TTC39C: variants seen among roughly 807,000 people sequenced by gnomAD.
TTC39C encodes tetratricopeptide repeat protein 39C.
In TTC39C, 33 loss-of-function variants were observed where a neutral mutation model predicts 76.3. That is an observed-to-expected ratio of 0.43 (90% CI 0.33 to 0.58). The LOEUF (loss-of-function observed/expected upper bound fraction) is 0.58. TTC39C is among the 20% of genes least tolerant of loss of function. The probability of loss-of-function intolerance (pLI) is 0.04; values close to 1 mark genes in which losing one functional copy is unlikely to be tolerated. For missense variants in TTC39C, 595 were observed against 701.4 expected, an observed-to-expected ratio of 0.85 and a Z score of 1.71; for synonymous variants, 254 against 260.6, an observed-to-expected ratio of 0.97 and a Z score of 0.24.
chr18:24,044,889 A>G (rs933228030), intron 1 of TTC39C, among the ~76,000 whole-genome samples: 2 of 152,174 alleles, frequency 1.3e-5, no homozygotes, highest in Admixed American at 1.3e-4. Context: ...AGAAACAAAA[A>G]TGCTAACAGC....
chr18:24,035,621 G>A (rs1215238121), intron 1 of TTC39C, among the ~76,000 whole-genome samples: 1 of 152,068 alleles, frequency 6.6e-6, no homozygotes, highest in Admixed American at 6.6e-5. Context: ...TTTTAATTGG[G>A]TTGTTTGGTT....
intron 6 of TTC39C, among the ~76,000 whole-genome samples, chr18:24,103,417 G>C (rs2084703216): frequency 6.6e-6 from 1 of 152,188 alleles, no homozygotes; most frequent in Non-Finnish European, 1.5e-5. Flanking sequence ...GAGATGTGCA[G>C]AACATCCTTG....
chr18:24,103,263 T>C (rs539721068), intron 6 of TTC39C, among the ~76,000 whole-genome samples: 4 of 152,352 alleles, frequency 2.6e-5, no homozygotes, highest in Admixed American at 2.0e-4. Context: ...TCCAGAAATA[T>C]ATACTATTTA....
chr18:24,100,226 T>A (rs1174939515), intron 6 of TTC39C, among the ~76,000 whole-genome samples: 1 of 152,210 alleles, frequency 6.6e-6, no homozygotes, highest in Non-Finnish European at 1.5e-5. Context: ...GTCTTAATTA[T>A]CTGATTATGA....
chr18:24,039,999 C>G (rs1195749127), intron 1 of TTC39C, among the ~76,000 whole-genome samples: 1 of 152,166 alleles, frequency 6.6e-6, no homozygotes, highest in Non-Finnish European at 1.5e-5. Context: ...TTGTCATCAA[C>G]TGGGAAATGT....
intron 6 of TTC39C, 112 bp downstream of exon 6, chr18:24,083,193 T>G (rs1325769660): frequency 1.5e-5 from 17 of 1,119,882 alleles, no homozygotes; most frequent in Non-Finnish European, 1.8e-5. Context: ...CCCCGGAGCA[T>G]TTTGTTCTTT....
chr18:24,117,547 C>T (rs918322905), intron 7 of TTC39C, among the ~76,000 whole-genome samples: 4 of 151,886 alleles, frequency 2.6e-5, no homozygotes, highest in Admixed American at 6.6e-5. Flanking sequence ...ACTAAAAATA[C>T]AAAAATCAGC....
chr18:24,041,519 A>G (rs1463356479), intron 1 of TTC39C, among the ~76,000 whole-genome samples: 1 of 152,204 alleles, frequency 6.6e-6, no homozygotes, highest in Non-Finnish European at 1.5e-5. Flanking sequence ...ATAAAATGCA[A>G]CAAGTTTCCT....
intron 10 of TTC39C, among the ~76,000 whole-genome samples, chr18:24,128,251 A>G (rs902221251): frequency 1.3e-5 from 2 of 152,144 alleles, no homozygotes; most frequent in African/African-American, 4.8e-5. Context: ...TTGCTGCCTT[A>G]AAAGTCTCTG....
chr18:24,080,944 G>C lies in TTC39C; in HGVS notation c.815+5G>C. 1 of 1,605,580 alleles carries C rather than the reference G, an allele frequency of 6.2e-7. No individual in the cohort carries two copies. On this transcript the variant is annotated splice_donor_5th_base_variant and intron_variant, in intron 5 of 13. Transcript: ENST00000317571. ...CATGAAGGCCCCTTTAGCTACGTGAGTAGCTGTATTGCAATGCTTTGGTAG... is the reference window on the plus strand; with the variant it reads ...CATGAAGGCCCCTTTAGCTACGTGACTAGCTGTATTGCAATGCTTTGGTAG...
At chr18:24,005,314 C>T (rs1362038212) in intron 1 of TTC39C, among the ~76,000 whole-genome samples, 1 of 152,162 alleles carries the variant, frequency 6.6e-6, no homozygotes, top group Non-Finnish European at 1.5e-5. Flanking sequence ...TAACCCAGCA[C>T]CCAGCACGTA....
chr18:24,128,418 TATATAAA>T (rs2085077468), intron 10 of TTC39C, among the ~76,000 whole-genome samples: 1 of 149,120 alleles, frequency 6.7e-6, no homozygotes, highest in Non-Finnish European at 1.5e-5. Flanking sequence ...TATATAATAT[TATATAAA>T]ATATAAATAT....
chr18:24,046,503 G>A lies in TTC39C; in HGVS notation c.168-17637G>A, dbSNP rs188936429. On this transcript the variant is annotated intron_variant, in intron 1 of 13. Coordinates refer to ENST00000317571, the MANE Select transcript of TTC39C (RefSeq NM_001135993.2). ...CAGGATCAACTTGAGATTTTAACTT[G>A]GTAGCGTTTTCTAGAGCCTGTGCTT... Among the ~76,000 whole-genome samples, 9 of 151,734 alleles carry A rather than the reference G, an allele frequency of 5.9e-5. 1 individual carries two copies. The highest frequency in any genetic ancestry group is 2.2e-4 in the African/African-American group (9 of 41,078).
intron 6 of TTC39C, among the ~76,000 whole-genome samples, chr18:24,096,681 A>T (rs1311092093): frequency 6.6e-6 from 1 of 152,218 alleles, no homozygotes; most frequent in Non-Finnish European, 1.5e-5. Flanking sequence ...AATTCTTAAA[A>T]TAGATAAAAT....
intron 6 of TTC39C, among the ~76,000 whole-genome samples, chr18:24,110,833 C>T (rs2084799568): frequency 6.6e-6 from 1 of 152,154 alleles, no homozygotes; most frequent in African/African-American, 2.4e-5. Flanking sequence ...TAAAGCTAGC[C>T]AATATTGTTT....
At chr18:24,034,844 G>C (rs1020322745) in intron 1 of TTC39C, among the ~76,000 whole-genome samples, 8 of 152,260 alleles carry the variant, frequency 5.3e-5, no homozygotes, top group South Asian at 2.1e-4. Context: ...TCCATTGTTT[G>C]TATATGCCAC....
intron 6 of TTC39C, among the ~76,000 whole-genome samples, chr18:24,087,110 A>G (rs1000021272): frequency 6.6e-6 from 1 of 152,134 alleles, no homozygotes; most frequent in Admixed American, 6.5e-5. Flanking sequence ...TTATATAGGA[A>G]TCTCAATTTT....
In TTC39C at chr18:24,118,214, T is replaced by C. The variant is rs1257049413; in HGVS notation, c.1168T>C (p.Tyr390His). 1 of 1,613,636 alleles carries C rather than the reference T, an allele frequency of 6.2e-7. No homozygotes were observed. The highest frequency in any genetic ancestry group is 2.2e-5 in the East Asian group (1 of 44,866). ...TGAGTCCAGGTGGTCCCAGTGCTAT[T>C]ATGCCTACTTGACTGCAGGTGAGTC... ...KNESRWSQCYYAYLTAVCQGA... is the reference protein window; with the variant it reads ...KNESRWSQCYHAYLTAVCQGA... Residue 390 changes from tyrosine (Y) to histidine (H), a missense_variant, in exon 8 of 14, where the codon TAT (tyrosine) becomes CAT (histidine). Physicochemically the swap from Tyr to His is moderately conservative, Grantham distance 83. Coordinates refer to ENST00000317571, the MANE Select transcript of TTC39C (RefSeq NM_001135993.2).
intron 1 of TTC39C, among the ~76,000 whole-genome samples, chr18:24,049,527 A>G (rs996606886): frequency 6.6e-6 from 1 of 152,224 alleles, no homozygotes; most frequent in Non-Finnish European, 1.5e-5. Context: ...CTGGGTGCTG[A>G]ACCCTGTGCT....
Sources: gnomAD v4.1 joint callset for allele counts (sites outside exome capture counted in the v4.1 genomes callset) on GRCh38, gnomAD v4.1.1 for gene constraint, MANE v1.5 for transcripts, NCBI Gene and HGNC (gene_info 2026-07-23, HGNC 2026-07-21) for gene names.